Variants in GTF3C1 observed in about 807,000 individuals in gnomAD.
GTF3C1 encodes the protein general transcription factor 3C polypeptide 1.
A neutral mutation model predicts 226.7 loss-of-function variants in GTF3C1; 57 were observed. The ratio of observed to expected loss-of-function variants is 0.25; its 90% CI spans 0.20 to 0.31. The LOEUF (loss-of-function observed/expected upper bound fraction) is 0.31, where lower values mean the gene tolerates loss of function less well. Ranked by LOEUF, GTF3C1 falls within the 10% of genes least tolerant of loss-of-function variation. The pLI is 1.00. For missense variants in GTF3C1, 2,217 were observed against 2,776.1 expected (o/e 0.80, Z 4.53); for synonymous variants, 1,090 against 1,084.8 (o/e 1.00, Z -0.09).
intron 34 of GTF3C1, 153 bp downstream of exon 34, chr16:27,464,167 C>A (rs758117808): frequency 1.2e-5 from 6 of 483,170 alleles, no homozygotes; most frequent in African/African-American, 4.0e-5. Context: ...TATCCTCCCC[C>A]TCAGGGCTCA....
intron 6 of GTF3C1, among the ~76,000 whole-genome samples, chr16:27,518,718 A>T (rs2088700330): frequency 6.6e-6 from 1 of 152,194 alleles, no homozygotes; most frequent in African/African-American, 2.4e-5. Context: ...TGTGTGTGTG[A>T]GAGAGGCCGT....
intron 21 of GTF3C1, 141 bp downstream of exon 21, chr16:27,488,902 G>T: frequency 1.3e-6 from 1 of 786,802 alleles, no homozygotes; most frequent in South Asian, 1.6e-5. Context: ...GAATAAAACA[G>T]GCCAGGCACA....
chr16:27,512,879 G>A (rs1436697117), intron 6 of GTF3C1, among the ~76,000 whole-genome samples: 1 of 152,158 alleles, frequency 6.6e-6, no homozygotes, highest in East Asian at 1.9e-4. Context: ...GCTTGTAAGT[G>A]ACGGGAAAAA....
chr16:27,503,450 G>T (rs964812668), intron 10 of GTF3C1, among the ~76,000 whole-genome samples: 1 of 152,318 alleles, frequency 6.6e-6, no homozygotes, highest in African/African-American at 2.4e-5. Flanking sequence ...GCTCTGTGTG[G>T]CTAACTCTCC....
intron 10 of GTF3C1, among the ~76,000 whole-genome samples, 154 bp from the exon 11 acceptor site, chr16:27,503,149 C>A (rs553726881): frequency 3.9e-4 from 59 of 152,284 alleles, no homozygotes; most frequent in African/African-American, 1.4e-3. Context: ...ACACAGAATC[C>A]CACTACTCTA....
rs2088829282 is a variant in GTF3C1, at chr16:27,526,055, GGGC to G, written c.973+2540_973+2542del. 5.3e-5 allele frequency among the ~76,000 whole-genome samples: 8 copies of G among 152,296 alleles called. No individual in the cohort carries two copies. In the South Asian group the frequency reaches 1.7e-3, roughly 32 times the overall value. On this transcript the variant is annotated intron_variant, in intron 6 of 36. Transcript: ENST00000356183. ...AGGAAGGGAGAAGTTACCATCAGGT[GGGC>G]TTCCATGAACAGGGAGCTTGCAGGG... is the stretch of plus-strand genomic sequence containing the variant.
chr16:27,544,497 A>G (rs1007950492), intron 2 of GTF3C1, among the ~76,000 whole-genome samples: 2 of 151,984 alleles, frequency 1.3e-5, no homozygotes, highest in Non-Finnish European at 2.9e-5. Flanking sequence ...GGATGCATCC[A>G]GATCACAGCC....
chr16:27,488,414 G>C lies in GTF3C1; in HGVS notation c.3513C>G (p.Gly1171=). The C allele has an allele frequency of 6.2e-7, 1 of 1,608,392 alleles. No individual in the cohort carries two copies. The highest frequency in any genetic ancestry group is 8.5e-7 in the Non-Finnish European group (1 of 1,174,896). The change falls in exon 23 of 37, where the codon GGC becomes GGG. Residue 1171 remains glycine (G), a splice_region_variant and synonymous_variant. Transcript: ENST00000356183. ...SKRPMPLSAR[G]NSRLNIWGEA... ...CCCCCCAAATATTCAACCTGCTGTT[G>C]CCTAGACATAATCACAGGAGACAAC... is the stretch of plus-strand genomic sequence containing the variant.
intron 2 of GTF3C1, among the ~76,000 whole-genome samples, chr16:27,540,940 A>G (rs2089072324): frequency 6.6e-6 from 1 of 152,088 alleles, no homozygotes. Context: ...TCTGGAGCTC[A>G]AGTGATTCTC....
At chr16:27,487,412 T>A (rs232064) in intron 23 of GTF3C1, among the ~76,000 whole-genome samples, 26,197 of 152,188 alleles carry the variant, frequency 0.17, 2,475 homozygotes, top group African/African-American at 0.24. Context: ...TGGTCTCCTT[T>A]CCACTCCCTC....
At chr16:27,543,553 C>CTAG (rs1020521983) in intron 2 of GTF3C1, among the ~76,000 whole-genome samples, 1 of 152,064 alleles carries the variant, frequency 6.6e-6, no homozygotes, top group African/African-American at 2.4e-5. Flanking sequence ...CTATGCCCAG[C>CTAG]TAGTTTTTTG....
chr16:27,499,560 G>A (rs2088373776), intron 12 of GTF3C1, among the ~76,000 whole-genome samples: 1 of 152,186 alleles, frequency 6.6e-6, no homozygotes, highest in African/African-American at 2.4e-5. Context: ...GGAAACAGGG[G>A]GCAGGAAGCA....
chr16:27,510,185 A>G (rs2088552273), intron 7 of GTF3C1, among the ~76,000 whole-genome samples: 1 of 152,186 alleles, frequency 6.6e-6, no homozygotes, highest in Admixed American at 6.5e-5. Context: ...AGAGATCGAG[A>G]CCATCCTGGC....
chr16:27,495,732 G>A (rs1024038358), intron 14 of GTF3C1, among the ~76,000 whole-genome samples: 1 of 152,236 alleles, frequency 6.6e-6, no homozygotes, highest in African/African-American at 2.4e-5. Flanking sequence ...GAGGAGGGCT[G>A]CAATTCTACA....
intron 16 of GTF3C1, among the ~76,000 whole-genome samples, chr16:27,494,465 TTCTG>T (rs2088283642): frequency 2.0e-5 from 3 of 152,050 alleles, no homozygotes; most frequent in Non-Finnish European, 4.4e-5. Flanking sequence ...ATAATTGTCT[TTCTG>T]TCTACCTACC....
intron 2 of GTF3C1, 39 bp downstream of exon 2, chr16:27,545,275 C>A: frequency 6.9e-7 from 1 of 1,454,070 alleles, no homozygotes; most frequent in Non-Finnish European, 9.7e-7. Flanking sequence ...CCGTACCCGG[C>A]CAGATTCCCA....
chr16:27,528,713 G>C lies in GTF3C1; in HGVS notation c.858C>G (p.Cys286Trp). 6.2e-7 allele frequency: 1 copy of C among 1,613,464 alleles called. No individual in the cohort carries two copies. Among genetic ancestry groups the C allele is most frequent in the South Asian group, 1.1e-5 (1 of 91,066 alleles). Residue 286 changes from cysteine (C) to tryptophan (W), a missense_variant, in exon 6 of 37, where the codon TGC (cysteine) becomes TGG (tryptophan). Around this residue, in one of 12 missense-constraint regions of GTF3C1, gnomAD observed 163 missense variants for 234.3 expected, o/e 0.70. Transcript: ENST00000356183. ...GGTACAGACGCTTAAACGTCCTTTC[G>C]CACAGCCCCTGCCAAAACACAATTT... ...LGKLREELGL[C>W]ERTFKRLYQY...
At chr16:27,483,675 C>T (rs1164110141) in intron 25 of GTF3C1, among the ~76,000 whole-genome samples, 4 of 152,228 alleles carry the variant, frequency 2.6e-5, no homozygotes, top group African/African-American at 4.8e-5. Context: ...AGACTCATTC[C>T]GCTTTACAGC....
chr16:27,496,446 T>C (rs1170520110), intron 14 of GTF3C1, among the ~76,000 whole-genome samples: 1 of 152,210 alleles, frequency 6.6e-6, no homozygotes, highest in Non-Finnish European at 1.5e-5. Flanking sequence ...AGAGTCTCGC[T>C]CTGTTGCCCA....
Sources: gnomAD v4.1 joint callset for allele counts (sites outside exome capture counted in the v4.1 genomes callset) on GRCh38, gnomAD v4.1.1 for gene constraint, gnomAD v4.1.1 regional missense constraint, MANE v1.5 for transcripts, NCBI Gene and HGNC (gene_info 2026-07-23, HGNC 2026-07-21) for gene names.